The following EYS variants were observed in gnomAD, a reference collection of about 807,000 sequenced individuals.
EYS encodes the protein protein eyes shut homolog.
EYS carries 250 observed loss-of-function variants against 282.1 expected under a neutral mutation model. That is an observed-to-expected ratio of 0.89 (90% CI 0.80 to 0.98). EYS has a LOEUF of 0.98. EYS is among the 50% of genes least tolerant of loss of function. The pLI is 0.00. For missense variants in EYS, 4,016 were observed against 3,709.0 expected, an observed-to-expected ratio of 1.08 and a Z score of -2.15; for synonymous variants, 1,355 against 1,282.9, an observed-to-expected ratio of 1.06 and a Z score of -1.20.
intron 41 of EYS, chr6:63,741,986 A>G: frequency 1.4e-6 from 1 of 702,246 alleles, no homozygotes; most frequent in Non-Finnish European, 2.6e-6. Flanking sequence ...CTAAGAAGAC[A>G]AGAGAAGGGT....
chr6:64,921,931 T>C (rs75038446), intron 15 of EYS, among the ~76,000 whole-genome samples: 4,764 of 151,490 alleles, frequency 0.031, 134 homozygotes, highest in East Asian at 0.13. Flanking sequence ...GTTCTCAGAG[T>C]AGGAAACTGA....
intron 22 of EYS, among the ~76,000 whole-genome samples, chr6:64,664,023 A>T (rs1178180318): frequency 6.6e-6 from 1 of 152,234 alleles, no homozygotes; most frequent in Non-Finnish European, 1.5e-5. Flanking sequence ...GAAGCGCAGC[A>T]GACACCCTGC....
At chr6:64,669,648 G>A (rs1769371225) in intron 22 of EYS, among the ~76,000 whole-genome samples, 1 of 152,152 alleles carries the variant, frequency 6.6e-6, no homozygotes, top group South Asian at 2.1e-4. Flanking sequence ...TCTCTGCAGA[G>A]CCTTGGTTGC....
chr6:65,145,370 G>T lies in EYS; in HGVS notation c.2024-87643C>A, dbSNP rs145908012. On this transcript the variant is annotated intron_variant, in intron 12 of 42. Coordinates refer to ENST00000503581, the MANE Select transcript of EYS (RefSeq NM_001142800.2). The stretch of plus-strand genomic sequence containing the variant: ...CACATTTTATGTAAAGTTACTAGTG[G>T]AGTTATACATTAAAACTTTACAGAT... 2.9e-3 allele frequency among the ~76,000 whole-genome samples: 439 copies of T among 151,964 alleles called. 3 individuals are homozygous for T. The highest frequency in any genetic ancestry group is 9.0e-3 in the African/African-American group (372 of 41,476).
Position 64,890,174 on chromosome 6 carries a change from C to T in EYS, c.2847-3332G>A, listed in dbSNP as rs977672477. On this transcript the variant is annotated intron_variant, in intron 18 of 42. Coordinates refer to ENST00000503581, the MANE Select transcript of EYS (RefSeq NM_001142800.2). ...TCCTGCCTGATAAATTTTGGTCAGA[C>T]CAGTTGCTCTCAAAACCCTGTCTCC... Among the ~76,000 whole-genome samples, 5 of 151,902 alleles carry T rather than the reference C, an allele frequency of 3.3e-5. 1 individual carries two copies. The highest frequency in any genetic ancestry group is 2.1e-4 in the South Asian group (1 of 4,820).
intron 2 of EYS, among the ~76,000 whole-genome samples, chr6:65,525,039 C>T (rs1212480204): frequency 6.7e-6 from 1 of 148,952 alleles, no homozygotes. Context: ...CCACCATGGC[C>T]ACTTTTTCTA....
chr6:65,149,864 A>T (rs1764569428), intron 12 of EYS, among the ~76,000 whole-genome samples: 1 of 152,150 alleles, frequency 6.6e-6, no homozygotes, highest in Non-Finnish European at 1.5e-5. Context: ...TTTATAAAGA[A>T]AAGAGGTTTA....
chr6:65,383,817 A>G (rs922910691), intron 8 of EYS, among the ~76,000 whole-genome samples: 5 of 151,926 alleles, frequency 3.3e-5, no homozygotes, highest in Non-Finnish European at 5.9e-5. Flanking sequence ...AGACTACACC[A>G]TGATGAATTT....
intron 26 of EYS, among the ~76,000 whole-genome samples, chr6:64,556,573 T>A (rs1190489683): frequency 6.6e-6 from 1 of 152,018 alleles, no homozygotes; most frequent in African/African-American, 2.4e-5. Context: ...TACATCTATC[T>A]AAATTAATCA....
intron 13 of EYS, among the ~76,000 whole-genome samples, chr6:65,052,303 AG>A (rs1773296041): frequency 6.6e-6 from 1 of 151,514 alleles, no homozygotes; most frequent in South Asian, 2.1e-4. Context: ...TTTCTTATGT[AG>A]AAAGAAAATT....
intron 14 of EYS, among the ~76,000 whole-genome samples, chr6:64,966,147 G>GT (rs1408471803): frequency 1.1e-4 from 16 of 152,158 alleles, no homozygotes; most frequent in African/African-American, 3.9e-4. Context: ...TGAATTATTT[G>GT]TTATTAAATG....
intron 26 of EYS, among the ~76,000 whole-genome samples, chr6:64,561,103 T>TA (rs1309487305): frequency 6.6e-6 from 1 of 151,914 alleles, no homozygotes; most frequent in Non-Finnish European, 1.5e-5. Flanking sequence ...ACGATTATCT[T>TA]AACAGATGCA....
intron 28 of EYS, among the ~76,000 whole-genome samples, chr6:64,395,689 G>C (rs561350318): frequency 3.3e-5 from 5 of 151,256 alleles, no homozygotes; most frequent in Non-Finnish European, 7.4e-5. Flanking sequence ...TGCTAGATGA[G>C]GAGTTAGTGG....
At chr6:63,971,748 C>T (rs933816811) in intron 35 of EYS, among the ~76,000 whole-genome samples, 2 of 152,152 alleles carry the variant, frequency 1.3e-5, no homozygotes, top group African/African-American at 4.8e-5. Flanking sequence ...GTCTAACAGC[C>T]AGATGATGTC....
intron 12 of EYS, among the ~76,000 whole-genome samples, chr6:65,199,567 G>A (rs572133795): frequency 3.6e-4 from 55 of 152,214 alleles, no homozygotes; most frequent in African/African-American, 1.3e-3. Flanking sequence ...GAAACCACTA[G>A]ATGCTATAGA....
At chr6:65,150,643 G>T (rs1319305391) in intron 12 of EYS, among the ~76,000 whole-genome samples, 1 of 151,606 alleles carries the variant, frequency 6.6e-6, no homozygotes, top group Non-Finnish European at 1.5e-5. Flanking sequence ...TTCTTCATCT[G>T]CCATATATTG....
intron 19 of EYS, among the ~76,000 whole-genome samples, chr6:64,838,619 C>CACACACAT (rs1393894570): frequency 9.3e-6 from 1 of 107,264 alleles, no homozygotes; most frequent in Non-Finnish European, 2.0e-5. Flanking sequence ...TGTTTCTCTA[C>CACACACAT]ACACACACAC....
rs184786010 is a variant in EYS at position 65,453,816 on chromosome 6, G to C, written c.862+36778C>G. Among the ~76,000 whole-genome samples, 9 of 152,010 alleles carry C rather than the reference G, an allele frequency of 5.9e-5. 1 individual carries two copies. Among genetic ancestry groups the C allele is most frequent in the African/African-American group, 2.2e-4 (9 of 41,498 alleles). Reference sequence around the variant, plus strand: ...GTGTCTGGCTTCTTTCACTTAACATGATGTCCTGCAGGTTCATTCATGTTA... The same window carrying C: ...GTGTCTGGCTTCTTTCACTTAACATCATGTCCTGCAGGTTCATTCATGTTA... On this transcript the variant is annotated intron_variant, in intron 5 of 42. Coordinates refer to ENST00000503581, the MANE Select transcript of EYS (RefSeq NM_001142800.2).
chr6:64,505,682 TA>T lies in EYS; in HGVS notation c.5645-66331del, dbSNP rs1469985689. Among the ~76,000 whole-genome samples the T allele has an allele frequency of 5.9e-5, 9 of 152,134 alleles. No homozygotes were observed. The East Asian group carries it at 7.7e-4, about 13-fold the overall frequency. ...CAGGGAAATTGTCTAAATGCAGCTT[TA>T]AAAAAATGATATACATATCAATTAA... On this transcript the variant is annotated intron_variant, in intron 26 of 42. Coordinates refer to ENST00000503581, the MANE Select transcript of EYS (RefSeq NM_001142800.2).
Sources: allele counts gnomAD v4.1 joint callset (sites outside exome capture counted in the v4.1 genomes callset), GRCh38; gene constraint gnomAD v4.1.1; transcripts MANE v1.5; gene names NCBI Gene and HGNC (gene_info 2026-07-23, HGNC 2026-07-21).